The following SV2C variants were observed in gnomAD, a reference collection of about 807,000 sequenced individuals.
SV2C encodes synaptic vesicle glycoprotein 2C.
Under a neutral mutation model 79.7 loss-of-function variants are expected in SV2C, and 49 were observed. The ratio of observed to expected loss-of-function variants is 0.61; its 90% CI spans 0.49 to 0.78. The LOEUF is 0.78. Ranked by LOEUF, SV2C falls within the 30% of genes least tolerant of loss-of-function variation. The pLI is 0.00. For synonymous variants in SV2C, 334 were observed against 333.2 expected (o/e 1.00, Z -0.03); for missense variants, 833 against 912.9 (o/e 0.91, Z 1.13).
At position 76,131,781 on chromosome 5, in the gene SV2C, C is replaced by T. The variant is rs777282920; in HGVS notation, c.31C>T (p.Leu11=). The change falls in exon 2 of 13, where the codon CTG becomes TTG. Residue 11 remains leucine (L), a synonymous_variant. Transcript: ENST00000502798. MEDSYKDRTS[L]MKGAKDIARE... Reference sequence around the variant, plus strand: ...AGACTCTTACAAGGATAGGACTTCACTGATGAAGGGTGCCAAGGACATTGC... The same window carrying T: ...AGACTCTTACAAGGATAGGACTTCATTGATGAAGGGTGCCAAGGACATTGC... 1.7e-4 allele frequency: 280 copies of T among 1,613,130 alleles called. No individual in the cohort carries two copies. The highest frequency in any genetic ancestry group is 2.7e-4 in the Admixed American group (16 of 59,930).
At chr5:76,314,815 C>T (rs775548329) in intron 12 of SV2C, among the ~76,000 whole-genome samples, 2 of 152,256 alleles carry the variant, frequency 1.3e-5, no homozygotes, top group Non-Finnish European at 2.9e-5. Flanking sequence ...TATTTTTAAA[C>T]AGCTCACTTG....
chr5:75,935,549 G>T, the SV2C span, among the ~76,000 whole-genome samples: 4 of 151,882 alleles, frequency 2.6e-5, no homozygotes, highest in South Asian at 8.3e-4. Context: ...AAAAGTTATG[G>T]GTATAATTAA....
the SV2C span, among the ~76,000 whole-genome samples, chr5:76,030,272 T>G: frequency 9.4e-6 from 1 of 106,678 alleles, no homozygotes; most frequent in Admixed American, 9.2e-5. Flanking sequence ...GCTTGTTTTT[T>G]TTTTTTTTTT....
chr5:76,033,205 C>T, the SV2C span, among the ~76,000 whole-genome samples: 11 of 151,936 alleles, frequency 7.2e-5, no homozygotes, highest in Non-Finnish European at 1.3e-4. Flanking sequence ...GTTGCCTGTT[C>T]ACTCTGATGG....
At chr5:76,074,126 T>C in the SV2C span, among the ~76,000 whole-genome samples, 7 of 152,174 alleles carry the variant, frequency 4.6e-5, no homozygotes, top group Admixed American at 3.3e-4. Flanking sequence ...CTGGTGGGCA[T>C]TGATTTGAGA....
the SV2C span, among the ~76,000 whole-genome samples, chr5:75,865,537 A>C: frequency 6.6e-6 from 1 of 152,232 alleles, no homozygotes; most frequent in East Asian, 1.9e-4. Flanking sequence ...AATCTTCCCC[A>C]TGGAAGAGCT....
the SV2C span, among the ~76,000 whole-genome samples, chr5:75,879,160 C>A: frequency 3.3e-5 from 5 of 152,284 alleles, no homozygotes; most frequent in East Asian, 9.7e-4. Flanking sequence ...CCGGGAATTA[C>A]ATTTCAACAT....
the SV2C span, among the ~76,000 whole-genome samples, chr5:76,002,839 C>T: frequency 1.3e-5 from 2 of 151,026 alleles, no homozygotes; most frequent in African/African-American, 4.9e-5. Context: ...GCATCAGCTA[C>T]CCAGCTACCC....
the SV2C span, among the ~76,000 whole-genome samples, chr5:75,948,241 G>A: frequency 2.6e-5 from 4 of 152,078 alleles, no homozygotes; most frequent in Admixed American, 2.6e-4. Context: ...TATTCAGTGA[G>A]ATGTTACTCA....
the SV2C span, among the ~76,000 whole-genome samples, chr5:75,896,965 TTA>T: frequency 4.8e-5 from 7 of 144,594 alleles, no homozygotes; most frequent in East Asian, 1.3e-3. Flanking sequence ...ATTCTGGATA[TTA>T]GCCTTTTGTC....
intron 2 of SV2C, among the ~76,000 whole-genome samples, chr5:76,144,698 A>C (rs1228130264): frequency 6.6e-6 from 1 of 152,156 alleles, no homozygotes; most frequent in African/African-American, 2.4e-5. Context: ...CTGAGGGCAG[A>C]TGCAGAATAT....
chr5:76,101,871 T>C (rs2112119743), intron 1 of SV2C, among the ~76,000 whole-genome samples: 1 of 152,262 alleles, frequency 6.6e-6, no homozygotes, highest in East Asian at 1.9e-4. Flanking sequence ...TATGAGGACA[T>C]TGAGACAGAG....
chr5:75,984,900 G>A, the SV2C span, among the ~76,000 whole-genome samples: 23 of 152,066 alleles, frequency 1.5e-4, no homozygotes, highest in African/African-American at 5.1e-4. Context: ...TGCTTACACT[G>A]ACTATAGGCT....
the SV2C span, among the ~76,000 whole-genome samples, chr5:75,996,455 T>G: frequency 6.6e-6 from 1 of 152,184 alleles, no homozygotes; most frequent in Non-Finnish European, 1.5e-5. Flanking sequence ...TAGGATTGAC[T>G]TGGCAATGCG....
In SV2C at chr5:76,139,240, CT is replaced by C. The variant is rs201369927; in HGVS notation, c.580+6911del. 7.0e-3 allele frequency among the ~76,000 whole-genome samples: 1,068 copies of C among 152,104 alleles called. 11 individuals carry two copies. The highest frequency in any genetic ancestry group is 0.025 in the African/African-American group (1,020 of 41,492). On this transcript the variant is annotated intron_variant, in intron 2 of 12. Coordinates refer to ENST00000502798, the MANE Select transcript of SV2C (RefSeq NM_014979.4). ...AAATAGTGCTCAGGGTTGAGGTGCC[CT>C]GACCTAAAGATTTAGCCTATCTATC...
chr5:76,011,078 T>A, the SV2C span, among the ~76,000 whole-genome samples: 2 of 152,288 alleles, frequency 1.3e-5, no homozygotes, highest in Admixed American at 1.3e-4. Context: ...GGACAGCGCA[T>A]TGTTAGTTGA....
the SV2C span, among the ~76,000 whole-genome samples, chr5:76,048,965 GAGAAAGAAAGAAAGAAAGAAAGAA>G: frequency 1.7e-3 from 99 of 58,198 alleles, no homozygotes; most frequent in Middle Eastern, 8.1e-3. Flanking sequence ...GAAAGAAAAA[GAGAAAGAAAGAAAGAAAGAAAGAA>G]AGAAAGAAAG....
At chr5:76,131,444 A>G (rs1482002073) in intron 1 of SV2C, among the ~76,000 whole-genome samples, 2 of 151,926 alleles carry the variant, frequency 1.3e-5, no homozygotes, top group Non-Finnish European at 2.9e-5. Flanking sequence ...CGAAAACCCT[A>G]AATACTCCAA....
chr5:75,880,356 A>G, the SV2C span, among the ~76,000 whole-genome samples: 3,728 of 152,172 alleles, frequency 0.024, 147 homozygotes, highest in African/African-American at 0.085. Flanking sequence ...CTTTTTAAAT[A>G]TGAGTTCCAA....
Sources: gnomAD v4.1 joint callset for allele counts (sites outside exome capture counted in the v4.1 genomes callset) on GRCh38, gnomAD v4.1.1 for gene constraint, MANE v1.5 for transcripts, NCBI Gene and HGNC (gene_info 2026-07-23, HGNC 2026-07-21) for gene names.